The following SIGMAR1 variants were observed in gnomAD, a reference collection of about 807,000 sequenced individuals.
The protein encoded by SIGMAR1 is SR31747 binding protein 1.
In SIGMAR1, 18 loss-of-function variants were observed where a neutral mutation model predicts 25.4. The ratio of observed to expected loss-of-function variants is 0.71; its 90% CI spans 0.49 to 1.05. The LOEUF (loss-of-function observed/expected upper bound fraction) is 1.05. Among genes scored for constraint, SIGMAR1 ranks in the 50% least tolerant of loss-of-function variants. The pLI, the probability that SIGMAR1 is intolerant of heterozygous loss-of-function variation, is 0.00. For missense variants in SIGMAR1, 249 were observed against 301.6 expected (o/e 0.83, Z 1.29); for synonymous variants, 125 against 131.6 (o/e 0.95, Z 0.34).
intron 1 of SIGMAR1, 23 bp downstream of exon 1, chr9:34,637,524 C>T: frequency 6.3e-7 from 1 of 1,584,186 alleles, no homozygotes. Context: ...GGCCGCTCCC[C>T]TCCCTGCCCT....
At position 34,637,677 on chromosome 9, in the gene SIGMAR1, C is replaced by CCGGCCCA. The variant is rs1820936580; in HGVS notation, c.14_20dup (p.Arg8GlyfsTer118). The CCGGCCCA allele has an allele frequency of 7.8e-6, 12 of 1,532,434 alleles. No homozygotes were observed. The highest frequency in any genetic ancestry group is 1.0e-5 in the Non-Finnish European group (12 of 1,144,628). 94.9% of individuals were successfully genotyped at this position (1,532,434 alleles called of 1,614,324 possible). The stretch of plus-strand genomic sequence containing the variant: ...GGAGCAGCGCGGCCCACGCCCACCG[C>CCGGCCCA]CGGCCCACGGCCCACTGCATCCCGG... On this transcript the variant is annotated frameshift_variant, in exon 1 of 4. Coordinates refer to ENST00000277010, the MANE Select transcript of SIGMAR1 (RefSeq NM_005866.4). LOFTEE classifies it high-confidence loss of function.
In SIGMAR1 at chr9:34,635,600, C is replaced by G; in HGVS notation, c.*32G>C. On this transcript the variant is annotated 3_prime_UTR_variant, in exon 4 of 4. Transcript: ENST00000277010. This position sits in a 1 kb window ranked among gnomAD's most constrained non-coding sequence, Gnocchi z 4.5. Reference sequence around the variant, plus strand: ...TATGTGCGGGCCTGCCCGCTCCTGTCTATCCGCAGGTCTTCCTTCAGGCCT... The same window carrying G: ...TATGTGCGGGCCTGCCCGCTCCTGTGTATCCGCAGGTCTTCCTTCAGGCCT... The G allele has an allele frequency of 1.9e-6, 3 of 1,613,660 alleles. No homozygotes were observed. Among genetic ancestry groups the G allele is most frequent in the Non-Finnish European group, 2.5e-6 (3 of 1,179,790 alleles).
intron 3 of SIGMAR1, 121 bp downstream of exon 3, chr9:34,636,876 G>T: frequency 1.2e-6 from 1 of 802,724 alleles, no homozygotes; most frequent in Non-Finnish European, 2.1e-6. Flanking sequence ...TGGGAGGGTG[G>T]AGGAAGGGAA....
Position 34,637,295 on chromosome 9 carries a change from T to C in SIGMAR1, c.277A>G (p.Met93Val), listed in dbSNP as rs749746480. ...FVNAGGWMGA[M>V]CLLHASLSEY... is the part of the protein sequence containing the mutation. The stretch of plus-strand genomic sequence containing the variant: ...GACAGCGAGGCGTGCAGAAGGCACA[T>C]GGCGCCCATCCAGCCACCCGCATTC... The change falls in exon 2 of 4, where the codon ATG (methionine) becomes GTG (valine). Residue 93 changes from methionine (M) to valine (V), a missense_variant. By Grantham distance (21) the Met-to-Val change is conservative. Transcript: ENST00000277010. The C allele has an allele frequency of 5.7e-6, 9 of 1,590,300 alleles. No homozygotes were observed. In the South Asian group the frequency reaches 9.0e-5, roughly 16 times the overall value.
At chr9:34,636,233 A>C (rs1419306137) in intron 3 of SIGMAR1, among the ~76,000 whole-genome samples, 3 of 151,354 alleles carry the variant, frequency 2.0e-5, no homozygotes, top group African/African-American at 7.3e-5. Flanking sequence ...TAGCTGTTCA[A>C]CCACCATGCC....
rs372384192 is a variant in SIGMAR1, at chr9:34,637,174, C to T, written c.352+46G>A. The T allele has an allele frequency of 1.9e-6, 3 of 1,566,216 alleles. No homozygotes were observed. In the African/African-American group the frequency reaches 4.1e-5, roughly 21 times the overall value. On this transcript the variant is annotated intron_variant, in intron 2 of 3. Transcript: ENST00000277010. The stretch of plus-strand genomic sequence containing the variant: ...AACATCAGAAAGGAGGGCATGGGCC[C>T]CTTTACAACCCCAGCCTCCCAGTCT...
In SIGMAR1 at chr9:34,637,757, C is replaced by A. The variant is rs1169405374; in HGVS notation, c.-60G>T. 6.4e-6 allele frequency: 8 copies of A among 1,256,318 alleles called. No individual in the cohort carries two copies. Among genetic ancestry groups the A allele is most frequent in the Non-Finnish European group, 8.3e-6 (8 of 961,790 alleles). 77.8% of individuals were successfully genotyped at this position (1,256,318 alleles called of 1,614,324 possible). ...GGGAGCCGGGGCCTGAGGCTTTGCG[C>A]TCACGGCCTCGGAGCCCGCCGGCTG... is the stretch of plus-strand genomic sequence containing the variant. On this transcript the variant is annotated 5_prime_UTR_variant, in exon 1 of 4. Coordinates refer to ENST00000277010, the MANE Select transcript of SIGMAR1 (RefSeq NM_005866.4).
rs370067220 is a variant in SIGMAR1 at position 34,637,102 on chromosome 9, C to T, written c.353-13G>A. Reference sequence around the variant, plus strand: ...GCCCAGTAGCGCCCTGAGTGACAATCGCACATGACACTATCAGGGTATTCG... The same window carrying T: ...GCCCAGTAGCGCCCTGAGTGACAATTGCACATGACACTATCAGGGTATTCG... On this transcript the variant is annotated splice_polypyrimidine_tract_variant and intron_variant, in intron 2 of 3. Coordinates refer to ENST00000277010, the MANE Select transcript of SIGMAR1 (RefSeq NM_005866.4). 22 of 1,613,676 alleles carry T rather than the reference C, an allele frequency of 1.4e-5. No individual in the cohort carries two copies. The highest frequency in any genetic ancestry group is 1.9e-5 in the Non-Finnish European group (22 of 1,179,978).
Position 34,635,516 on chromosome 9 carries a change from G to T in SIGMAR1, c.*116C>A. ...ATGGATATCCCTGCTCATACAGCAG[G>T]AACTCAGGATCTGCATGGTGTATGT... is the stretch of plus-strand genomic sequence containing the variant. On this transcript the variant is annotated 3_prime_UTR_variant, in exon 4 of 4. Coordinates refer to ENST00000277010, the MANE Select transcript of SIGMAR1 (RefSeq NM_005866.4). The surrounding 1 kb of genome is among the most constrained non-coding windows in gnomAD (Gnocchi z 4.5). 2 of 1,478,018 alleles carry T rather than the reference G, an allele frequency of 1.4e-6. No individual in the cohort carries two copies. Among genetic ancestry groups the T allele is most frequent in the African/African-American group, 1.4e-5 (1 of 71,894 alleles). The allele number at this position is 1,478,018 out of a possible 1,614,324, so 91.6% of individuals were successfully genotyped here. A position where few individuals can be genotyped will look rare whatever the true frequency, so the allele number is the denominator to read the frequency against.
chr9:34,635,356 C>T lies in SIGMAR1; in HGVS notation c.*276G>A, dbSNP rs1820803507. The T allele has an allele frequency of 1.2e-5, 6 of 490,504 alleles. No homozygotes were observed. The highest frequency in any genetic ancestry group is 2.0e-5 in the South Asian group (1 of 49,600). The allele number at this position is 490,504 out of a possible 1,614,324, so 30.4% of individuals were successfully genotyped here. On this transcript the variant is annotated 3_prime_UTR_variant, in exon 4 of 4. Transcript: ENST00000277010. The surrounding 1 kb of genome is among the most constrained non-coding windows in gnomAD (Gnocchi z 4.5). ...AAGCTGTGATGTGTGTGTCTGAACA[C>T]AACTGGCTCCCTTGGTATACCGGGG...
rs1368726267 is a variant in SIGMAR1 at position 34,635,688 on chromosome 9, A to G, written c.616T>C (p.Tyr206His). The G allele has an allele frequency of 6.2e-7, 1 of 1,614,262 alleles. No homozygotes were observed. Among genetic ancestry groups the G allele is most frequent in the Non-Finnish European group, 8.5e-7 (1 of 1,180,050 alleles). Residue 206 changes from tyrosine to histidine, a missense_variant, in exon 4 of 4, where the codon TAT becomes CAT. Transcript: ENST00000277010. This position sits in a 1 kb window ranked among gnomAD's most constrained non-coding sequence, Gnocchi z 4.5. ...AGCTCAAGCCGGAGGCCCCGAGCAT[A>G]GGAGCGAAGAGTATAGAAGAGGGTG... ...FLTLFYTLRS[Y>H]ARGLRLELTT...
intron 3 of SIGMAR1, 90 bp downstream of exon 3, chr9:34,636,907 A>C: frequency 9.3e-7 from 1 of 1,077,958 alleles, no homozygotes; most frequent in Non-Finnish European, 1.4e-6. Flanking sequence ...GGCCCCCCCA[A>C]CACACTCCTT....
In SIGMAR1 at chr9:34,635,781, G is replaced by A. The variant is rs780073328; in HGVS notation, c.523C>T (p.Arg175Trp). ...GCCAGGGTGGATGGGATGACGCCCC[G>A]GCCGTACTCCACCATCCATGTGTTT... ...GPNTWMVEYG[R>W]GVIPSTLAFA... Residue 175 changes from arginine to tryptophan, a missense_variant, in exon 4 of 4, where the codon CGG (arginine) becomes TGG (tryptophan). Physicochemically the swap from Arg to Trp is moderately radical, Grantham distance 101. Coordinates refer to ENST00000277010, the MANE Select transcript of SIGMAR1 (RefSeq NM_005866.4). The surrounding 1 kb of genome is among the most constrained non-coding windows in gnomAD (Gnocchi z 4.5). 7 of 1,614,058 alleles carry A rather than the reference G, an allele frequency of 4.3e-6. No homozygotes were observed. The highest frequency in any genetic ancestry group is 3.3e-5 in the South Asian group (3 of 91,094).
chr9:34,635,442 A>T lies in SIGMAR1; in HGVS notation c.*190T>A. The T allele has an allele frequency of 1.2e-6, 1 of 828,088 alleles. No individual in the cohort carries two copies. The highest frequency in any genetic ancestry group is 1.9e-6 in the Non-Finnish European group (1 of 518,446). 51.3% of individuals were successfully genotyped at this position (828,088 alleles called of 1,614,324 possible). On this transcript the variant is annotated 3_prime_UTR_variant, in exon 4 of 4. Transcript: ENST00000277010. The surrounding 1 kb of genome is among the most constrained non-coding windows in gnomAD (Gnocchi z 4.5). Reference sequence around the variant, plus strand: ...ACTGTACACACAGGTCTCAGTATCTATATGTGTCTCATTTGTTCCCATGGG... The same window carrying T: ...ACTGTACACACAGGTCTCAGTATCTTTATGTGTCTCATTTGTTCCCATGGG...
At chr9:34,636,318 TA>T (rs764614552) in intron 3 of SIGMAR1, among the ~76,000 whole-genome samples, 5,112 of 119,646 alleles carry the variant, frequency 0.043, 322 homozygotes, top group African/African-American at 0.14. Context: ...GTTTCACTAT[TA>T]AAAAAAAAAA....
rs529511058 is a variant in SIGMAR1 at position 34,635,912 on chromosome 9, G to A, written c.446-54C>T. The A allele has an allele frequency of 6.2e-7, 1 of 1,609,280 alleles. No individual in the cohort carries two copies. Among genetic ancestry groups the A allele is most frequent in the Non-Finnish European group, 8.5e-7 (1 of 1,179,166 alleles). On this transcript the variant is annotated intron_variant, in intron 3 of 3. Transcript: ENST00000277010. The surrounding 1 kb of genome is among the most constrained non-coding windows in gnomAD (Gnocchi z 4.5). ...AGCCAGCTCTGCCCTGCCCTTCCATGGCTGCTGCTTCCCTGGCCCATGGAC... is the reference window on the plus strand; with the variant it reads ...AGCCAGCTCTGCCCTGCCCTTCCATAGCTGCTGCTTCCCTGGCCCATGGAC...
chr9:34,637,030 C>G lies in SIGMAR1; in HGVS notation c.412G>C (p.Glu138Gln). The G allele has an allele frequency of 1.2e-6, 2 of 1,614,218 alleles. No homozygotes were observed. Among genetic ancestry groups the G allele is most frequent in the Non-Finnish European group, 1.7e-6 (2 of 1,180,040 alleles). Residue 138 changes from glutamate to glutamine, a missense_variant, in exon 3 of 4, where the codon GAG (glutamate) becomes CAG (glutamine). Transcript: ENST00000277010. ...IISGTFHQWREGTTKSEVFYP... is the reference protein window; with the variant it reads ...IISGTFHQWRQGTTKSEVFYP... ...AAGACCTCACTTTTGGTGGTGCCCT[C>G]TCTCCACTGGTGGAAGGTGCCAGAG...
Position 34,637,553 on chromosome 9 carries a change from A to G in SIGMAR1, c.145T>C (p.Tyr49His). The change falls in exon 1 of 4, where the codon TAC becomes CAC. Residue 49 changes from tyrosine (Y) to histidine (H), a missense_variant. By Grantham distance (83) the Tyr-to-His change is moderately conservative (BLOSUM62 2). Transcript: ENST00000277010. ...REEIAQLARQ[Y>H]AGLDHELAFS... ...CTGCCCTCTGCCCGCTCACCAGCGT[A>G]CTGCCGCGCCAACTGCGCTATCTCT... The G allele has an allele frequency of 6.3e-7, 1 of 1,584,414 alleles. No individual in the cohort carries two copies. Among genetic ancestry groups the G allele is most frequent in the South Asian group, 1.1e-5 (1 of 88,092 alleles).
At position 34,637,410 on chromosome 9, in the gene SIGMAR1, G is replaced by C; in HGVS notation, c.162C>G (p.His54Gln). The C allele has an allele frequency of 6.2e-7, 1 of 1,603,766 alleles. No homozygotes were observed. Among genetic ancestry groups the C allele is most frequent in the Non-Finnish European group, 8.5e-7 (1 of 1,179,450 alleles). The change falls in exon 2 of 4, where the codon CAC (histidine) becomes CAG (glutamine). Residue 54 changes from histidine to glutamine, a missense_variant. Transcript: ENST00000277010. ...CGATCAGACGAGAGAAGGCCAGCTCGTGGTCCAGCCCTGGCGGAGGCAGAG... is the reference window on the plus strand; with the variant it reads ...CGATCAGACGAGAGAAGGCCAGCTCCTGGTCCAGCCCTGGCGGAGGCAGAG... ...QLARQYAGLDHELAFSRLIVE... is the reference protein window; with the variant it reads ...QLARQYAGLDQELAFSRLIVE...
Sources: allele counts gnomAD v4.1 joint callset (sites outside exome capture counted in the v4.1 genomes callset), GRCh38; gene constraint gnomAD v4.1.1; non-coding constraint Gnocchi (gnomAD v3.1); transcripts MANE v1.5; gene names NCBI Gene and HGNC (gene_info 2026-07-23, HGNC 2026-07-21).